Variants in PNPLA6 observed in about 807,000 individuals in gnomAD.
PNPLA6 encodes patatin-like phospholipase domain-containing protein 6.
A neutral mutation model predicts 153.7 loss-of-function variants in PNPLA6; 105 were observed. The observed-to-expected ratio is 0.68, with a 90% CI of 0.58 to 0.80. PNPLA6 has a LOEUF of 0.80. PNPLA6 is among the 30% of genes least tolerant of loss of function. PNPLA6 has a pLI of 0.00. For missense variants in PNPLA6, 1,423 were observed against 1,919.3 expected (o/e 0.74, Z 4.83); for synonymous variants, 825 against 822.2 (o/e 1.00, Z -0.06).
chr19:7,545,807 G>T (rs2023362465), intron 13 of PNPLA6, among the ~76,000 whole-genome samples: 1 of 151,166 alleles, frequency 6.6e-6, no homozygotes, highest in South Asian at 2.1e-4. Flanking sequence ...AGCTACTCGG[G>T]AGCCTGAGGC....
At chr19:7,552,784 A>G (rs535175681) in intron 18 of PNPLA6, among the ~76,000 whole-genome samples, 1 of 147,198 alleles carries the variant, frequency 6.8e-6, no homozygotes, top group South Asian at 2.1e-4. Context: ...AAAAAAAAAA[A>G]GAAAAGAAAA....
chr19:7,560,232 C>T (rs531826205), intron 28 of PNPLA6, among the ~76,000 whole-genome samples: 15 of 151,840 alleles, frequency 9.9e-5, no homozygotes, highest in South Asian at 2.1e-4. Context: ...AGCCCAGAAG[C>T]CCTGAGTCTG....
intron 18 of PNPLA6, among the ~76,000 whole-genome samples, chr19:7,551,820 G>A (rs1015079073): frequency 3.3e-5 from 5 of 152,126 alleles, no homozygotes; most frequent in Admixed American, 2.6e-4. Context: ...TGATGGCAGG[G>A]CCGTCATGGT....
At position 7,543,043 on chromosome 19, in the gene PNPLA6, C is replaced by A. The variant is rs2023228899; in HGVS notation, c.1567C>A (p.His523Asn). 1 of 1,614,048 alleles carries A rather than the reference C, an allele frequency of 6.2e-7. No individual in the cohort carries two copies. The highest frequency in any genetic ancestry group is 8.5e-7 in the Non-Finnish European group (1 of 1,180,018). The change falls in exon 13 of 32, where the codon CAC becomes AAC. Residue 523 changes from histidine (H) to asparagine (N), a missense_variant. His to Asn is a moderately conservative substitution (Grantham distance 68). Around this residue, in one of 10 missense-constraint regions of PNPLA6, gnomAD observed 119 missense variants for 163.7 expected, o/e 0.73. Coordinates refer to ENST00000600737, the MANE Select transcript of PNPLA6 (RefSeq NM_001166114.2). ...SLLNSRVLLH[H>N]AKAGTIIARQ... ...CCTGAACAGCAGAGTCTTGCTGCAC[C>A]ACGCCAAAGCTGGCACCATCATTGC...
In PNPLA6 at chr19:7,540,431, C is replaced by T. The variant is rs939379741; in HGVS notation, c.714+123C>T. The T allele has an allele frequency of 1.3e-5, 16 of 1,195,332 alleles. No homozygotes were observed. The highest frequency in any genetic ancestry group is 1.2e-4 in the East Asian group (5 of 40,826). The allele number at this position is 1,195,332 out of a possible 1,614,324, so 74.0% of individuals were successfully genotyped here. On this transcript the variant is annotated intron_variant, in intron 5 of 31. Coordinates refer to ENST00000600737, the MANE Select transcript of PNPLA6 (RefSeq NM_001166114.2). This position sits in a 1 kb window ranked among gnomAD's most constrained non-coding sequence, Gnocchi z 6.8. ...ATCGGGAGTCAGGGGAACGGGTGAC[C>T]GAGGACATTTGGGGTAGTCTGCGTA...
At chr19:7,560,977 G>A (rs766191853) in intron 29 of PNPLA6, 37 bp from the exon 30 acceptor site, 3 of 1,415,992 alleles carry the variant, frequency 2.1e-6, no homozygotes, top group Non-Finnish European at 2.9e-6. Flanking sequence ...AGACTCTGTG[G>A]GCCCCCCCTA....
chr19:7,535,764 G>T lies in PNPLA6; in HGVS notation c.-25G>T. Reference sequence around the variant, plus strand: ...AGGGAAGAGTCGCGCCCCCGGGGAGGGAGCAGCACTGGCCCATTCTGCAGA... The same window carrying T: ...AGGGAAGAGTCGCGCCCCCGGGGAGTGAGCAGCACTGGCCCATTCTGCAGA... On this transcript the variant is annotated 5_prime_UTR_variant, in exon 1 of 32. Coordinates refer to ENST00000600737, the MANE Select transcript of PNPLA6 (RefSeq NM_001166114.2). This position sits in a 1 kb window ranked among gnomAD's most constrained non-coding sequence, Gnocchi z 5.0. The T allele has an allele frequency of 6.6e-7, 1 of 1,521,980 alleles. No homozygotes were observed. The highest frequency in any genetic ancestry group is 8.8e-7 in the Non-Finnish European group (1 of 1,135,294). 94.3% of individuals were successfully genotyped at this position (1,521,980 alleles called of 1,614,324 possible). A position where few individuals can be genotyped will look rare whatever the true frequency, so the allele number is the denominator to read the frequency against.
rs759922846 is a variant in PNPLA6 at position 7,560,773 on chromosome 19, G to T, written c.3816+9G>T. 1 of 1,549,828 alleles carries T rather than the reference G, an allele frequency of 6.5e-7. No individual in the cohort carries two copies. Among genetic ancestry groups the T allele is most frequent in the Non-Finnish European group, 8.9e-7 (1 of 1,121,718 alleles). On this transcript the variant is annotated intron_variant, in intron 29 of 31. Coordinates refer to ENST00000600737, the MANE Select transcript of PNPLA6 (RefSeq NM_001166114.2). Reference sequence around the variant, plus strand: ...AGAGCCGCCGTGCAGACGTAAGCCTGTGATGCCCCCAGGGCCACTCTGACT... The same window carrying T: ...AGAGCCGCCGTGCAGACGTAAGCCTTTGATGCCCCCAGGGCCACTCTGACT...
In PNPLA6 at chr19:7,561,386, A is replaced by T. The variant is rs2024094810; in HGVS notation, c.4023+69A>T. On this transcript the variant is annotated intron_variant, in intron 31 of 31. Coordinates refer to ENST00000600737, the MANE Select transcript of PNPLA6 (RefSeq NM_001166114.2). Reference sequence around the variant, plus strand: ...TCATGAGTACAGTGTCAGGCAGGGGAGCCGGGGGCGTATTTGAGATCCTGT... The same window carrying T: ...TCATGAGTACAGTGTCAGGCAGGGGTGCCGGGGGCGTATTTGAGATCCTGT... 3 of 1,435,954 alleles carry T rather than the reference A, an allele frequency of 2.1e-6. No individual in the cohort carries two copies. The East Asian group carries it at 7.0e-5, about 34-fold the overall frequency. 89.0% of individuals were successfully genotyped at this position (1,435,954 alleles called of 1,614,324 possible).
chr19:7,541,874 T>C lies in PNPLA6; in HGVS notation c.1169-110T>C, dbSNP rs565198468. The C allele has an allele frequency of 7.9e-6, 9 of 1,141,474 alleles. No individual in the cohort carries two copies. Among genetic ancestry groups the C allele is most frequent in the East Asian group, 7.1e-5 (3 of 42,066 alleles). 70.7% of individuals were successfully genotyped at this position (1,141,474 alleles called of 1,614,324 possible). On this transcript the variant is annotated intron_variant, in intron 9 of 31. Coordinates refer to ENST00000600737, the MANE Select transcript of PNPLA6 (RefSeq NM_001166114.2). This position sits in a 1 kb window ranked among gnomAD's most constrained non-coding sequence, Gnocchi z 5.2. ...CTGTGGCCTCGTCCCCAAGGGCCCA[T>C]TGGAATTGCTTTAACTAGTTAATCA...
intron 3 of PNPLA6, among the ~76,000 whole-genome samples, chr19:7,537,691 G>C (rs2022940659): frequency 1.3e-5 from 2 of 152,154 alleles, no homozygotes; most frequent in South Asian, 4.1e-4. Context: ...CACTAGGCTA[G>C]AGTGCACTGG....
At chr19:7,552,088 T>C (rs500914) in intron 18 of PNPLA6, among the ~76,000 whole-genome samples, 80,137 of 151,950 alleles carry the variant, frequency 0.53, 21,643 homozygotes, top group South Asian at 0.68. Context: ...CCAGCCGGGA[T>C]GACAGAGCTA....
At chr19:7,548,031 C>T (rs1359624174) in intron 13 of PNPLA6, among the ~76,000 whole-genome samples, 1 of 140,884 alleles carries the variant, frequency 7.1e-6, no homozygotes, top group East Asian at 2.1e-4. Flanking sequence ...GAAGAATTGT[C>T]TTGGACCACA....
Position 7,541,809 on chromosome 19 carries a change from C to G in PNPLA6, c.1168+125C>G. ...GTCCAGCCCCACAGGGACTCCATAG[C>G]GGGGTACCCAGGTCTGACTCCTATC... On this transcript the variant is annotated intron_variant, in intron 9 of 31. Transcript: ENST00000600737. The surrounding 1 kb of genome is among the most constrained non-coding windows in gnomAD (Gnocchi z 5.2). 1 of 1,206,528 alleles carries G rather than the reference C, an allele frequency of 8.3e-7. No homozygotes were observed. Among genetic ancestry groups the G allele is most frequent in the South Asian group, 1.3e-5 (1 of 77,242 alleles). The allele number at this position is 1,206,528 out of a possible 1,614,324, so 74.7% of individuals were successfully genotyped here. A position where few individuals can be genotyped will look rare whatever the true frequency, so the allele number is the denominator to read the frequency against.
At chr19:7,549,326 A>G (rs1481768333) in intron 13 of PNPLA6, among the ~76,000 whole-genome samples, 13 of 149,702 alleles carry the variant, frequency 8.7e-5, no homozygotes. Context: ...AGCTGGGACT[A>G]CAGGCGCCCG....
chr19:7,535,354 C>T, upstream of PNPLA6: 16 of 675,922 alleles, frequency 2.4e-5, no homozygotes, highest in South Asian at 2.4e-4. This position sits in a 1 kb window ranked among gnomAD's most constrained non-coding sequence, Gnocchi z 5.0. Flanking sequence ...CCCTTAGTCC[C>T]GCAGCGCCCC....
Position 7,554,615 on chromosome 19 carries a change from A to T in PNPLA6, c.2526A>T (p.Val842=), listed in dbSNP as rs534004578. ...AGCAGGAGGATGCACACCGTATCGT[A>T]CTCTACCAGACGGACGCCTCGCTGA... ...LAQQEDAHRI[V]LYQTDASLTP... is the part of the protein sequence containing the mutation. The change falls in exon 21 of 32, where the codon GTA becomes GTT. Residue 842 remains valine, a synonymous_variant. Coordinates refer to ENST00000600737, the MANE Select transcript of PNPLA6 (RefSeq NM_001166114.2). The T allele has an allele frequency of 5.6e-6, 9 of 1,613,588 alleles. No homozygotes were observed. In the Admixed American group the frequency reaches 6.7e-5, roughly 12 times the overall value.
rs1047937193 is a variant in PNPLA6, at chr19:7,541,796, A to T, written c.1168+112A>T. On this transcript the variant is annotated intron_variant, in intron 9 of 31. Transcript: ENST00000600737. The surrounding 1 kb of genome is among the most constrained non-coding windows in gnomAD (Gnocchi z 5.2). ...TCAACCTGACCTTGTCCAGCCCCACAGGGACTCCATAGCGGGGTACCCAGG... is the reference window on the plus strand; with the variant it reads ...TCAACCTGACCTTGTCCAGCCCCACTGGGACTCCATAGCGGGGTACCCAGG... The T allele has an allele frequency of 7.8e-7, 1 of 1,281,900 alleles. No individual in the cohort carries two copies. Among genetic ancestry groups the T allele is most frequent in the Non-Finnish European group, 1.1e-6 (1 of 915,638 alleles). 79.4% of individuals were successfully genotyped at this position (1,281,900 alleles called of 1,614,324 possible).
At position 7,540,592 on chromosome 19, in the gene PNPLA6, G is replaced by A. The variant is rs749218765; in HGVS notation, c.715-38G>A. 2 of 1,501,308 alleles carry A rather than the reference G, an allele frequency of 1.3e-6. No individual in the cohort carries two copies. Among genetic ancestry groups the A allele is most frequent in the South Asian group, 2.3e-5 (2 of 88,800 alleles). 93.0% of individuals were successfully genotyped at this position (1,501,308 alleles called of 1,614,324 possible). A position where few individuals can be genotyped will look rare whatever the true frequency, so the allele number is the denominator to read the frequency against. The stretch of plus-strand genomic sequence containing the variant: ...AGGGGGCGACATGCCAGTCACCAGG[G>A]CGAGGCCACTGAGGGTCCACGGTCT... On this transcript the variant is annotated intron_variant, in intron 5 of 31. Transcript: ENST00000600737. This position sits in a 1 kb window ranked among gnomAD's most constrained non-coding sequence, Gnocchi z 6.8.
Sources: gnomAD v4.1 joint callset for allele counts (sites outside exome capture counted in the v4.1 genomes callset) on GRCh38, gnomAD v4.1.1 for gene constraint, gnomAD v4.1.1 regional missense constraint, Gnocchi (gnomAD v3.1) non-coding constraint, MANE v1.5 for transcripts, NCBI Gene and HGNC (gene_info 2026-07-23, HGNC 2026-07-21) for gene names.